Variants in LAMA1 observed in about 807,000 individuals in gnomAD.
LAMA1 encodes laminin subunit alpha-1.
A neutral mutation model predicts 348.7 loss-of-function variants in LAMA1; 219 were observed. That is an observed-to-expected ratio of 0.63 (90% CI 0.56 to 0.70). LAMA1 has a LOEUF of 0.70. Among genes scored for constraint, LAMA1 ranks in the 30% least tolerant of loss-of-function variants. The probability of loss-of-function intolerance (pLI) is 0.00; values close to 1 mark genes in which losing one functional copy is unlikely to be tolerated. For synonymous variants in LAMA1, 1,487 were observed against 1,491.0 expected (o/e 1.00, Z 0.06); for missense variants, 3,744 against 3,888.0 (o/e 0.96, Z 0.99).
At chr18:7,052,649 C>T (rs981211608) in intron 3 of LAMA1, among the ~76,000 whole-genome samples, 7 of 152,064 alleles carry the variant, frequency 4.6e-5, no homozygotes, top group Admixed American at 6.6e-5. Context: ...ATCACTTGAA[C>T]CTGGGAGTCA....
chr18:7,042,036 A>T, intron 9 of LAMA1, 109 bp downstream of exon 9: 1 of 799,232 alleles, frequency 1.3e-6, no homozygotes, highest in Non-Finnish European at 2.1e-6. Context: ...TGAACAAAAG[A>T]ATCAATAATC....
rs545723656 is a variant in LAMA1, at chr18:7,096,087, C to T, written c.62-15630G>A. On this transcript the variant is annotated intron_variant, in intron 1 of 62. Coordinates refer to ENST00000389658, the MANE Select transcript of LAMA1 (RefSeq NM_005559.4). Reference sequence around the variant, plus strand: ...CGTCTCAAAAAAAAAGAAAATACTTCAGTATAGACTGTGGTATGGTATATG... The same window carrying T: ...CGTCTCAAAAAAAAAGAAAATACTTTAGTATAGACTGTGGTATGGTATATG... Among the ~76,000 whole-genome samples the T allele has an allele frequency of 6.6e-5, 10 of 152,234 alleles. No individual in the cohort carries two copies. In the South Asian group the frequency reaches 2.1e-3, roughly 32 times the overall value.
chr18:6,958,397 A>G (rs111248406), intron 55 of LAMA1, 80 bp downstream of exon 55: 3 of 1,462,808 alleles, frequency 2.1e-6, no homozygotes, highest in Non-Finnish European at 2.9e-6. Context: ...CAAACAGTAC[A>G]ATGAGATTTC....
chr18:7,028,964 T>C (rs1335877225), intron 16 of LAMA1, among the ~76,000 whole-genome samples: 2 of 152,360 alleles, frequency 1.3e-5, no homozygotes, highest in South Asian at 2.1e-4. Flanking sequence ...CATACTTTCA[T>C]TGGTCATTTT....
intron 42 of LAMA1, 46 bp from the exon 43 acceptor site, chr18:6,978,424 C>CAG (rs767488995): frequency 1.3e-6 from 2 of 1,508,328 alleles, no homozygotes; most frequent in African/African-American, 2.7e-5. Flanking sequence ...TGCTTACACA[C>CAG]AGAGAAAAGA....
At chr18:6,977,667 T>A in intron 44 of LAMA1, 60 bp downstream of exon 44, 1 of 1,603,738 alleles carries the variant, frequency 6.2e-7, no homozygotes, top group South Asian at 1.1e-5. Context: ...CTGCATGAAT[T>A]CCCTGGGACC....
chr18:7,037,045 T>C (rs1487719688), intron 12 of LAMA1, among the ~76,000 whole-genome samples: 1 of 152,182 alleles, frequency 6.6e-6, no homozygotes, highest in Non-Finnish European at 1.5e-5. Flanking sequence ...GAATCACCAG[T>C]TTGCATTTTC....
intron 1 of LAMA1, among the ~76,000 whole-genome samples, chr18:7,112,638 T>C (rs1013328180): frequency 2.0e-5 from 2 of 102,326 alleles, no homozygotes; most frequent in Non-Finnish European, 3.8e-5. Context: ...TATATATATA[T>C]ACATTTTTTT....
intron 1 of LAMA1, among the ~76,000 whole-genome samples, chr18:7,107,016 T>G (rs1442721982): frequency 6.6e-6 from 1 of 151,978 alleles, no homozygotes; most frequent in Non-Finnish European, 1.5e-5. Context: ...ACTACTCATT[T>G]CACCCCTAAC....
intron 48 of LAMA1, 115 bp from the exon 49 acceptor site, chr18:6,966,412 T>A (rs948248306): frequency 2.3e-6 from 2 of 873,958 alleles, no homozygotes; most frequent in Non-Finnish European, 3.7e-6. Flanking sequence ...AGTTCCATAC[T>A]TTCATAACAA....
chr18:7,084,419 C>T (rs968325536), intron 1 of LAMA1, among the ~76,000 whole-genome samples: 1 of 152,102 alleles, frequency 6.6e-6, no homozygotes, highest in Non-Finnish European at 1.5e-5. Flanking sequence ...AGCTATGTGG[C>T]GTGACACAGT....
At chr18:6,999,388 TC>T (rs1407999384) in intron 32 of LAMA1, 56 bp downstream of exon 32, 1 of 1,578,146 alleles carries the variant, frequency 6.3e-7, no homozygotes, top group African/African-American at 1.3e-5. Context: ...ACCACTTCTT[TC>T]CCGACACATT....
intron 54 of LAMA1, among the ~76,000 whole-genome samples, 189 bp downstream of exon 54, chr18:6,959,152 C>G (rs1008825406): frequency 1.3e-5 from 2 of 152,162 alleles, no homozygotes; most frequent in Admixed American, 1.3e-4. Context: ...TATAAAAATT[C>G]TACAAGTATC....
At chr18:6,960,946 T>C (rs959967486) in intron 53 of LAMA1, among the ~76,000 whole-genome samples, 1 of 152,190 alleles carries the variant, frequency 6.6e-6, no homozygotes, top group Non-Finnish European at 1.5e-5. Flanking sequence ...GAGTACAAGG[T>C]GGCATTCTAT....
At chr18:7,087,526 C>T (rs1160357319) in intron 1 of LAMA1, among the ~76,000 whole-genome samples, 1 of 152,226 alleles carries the variant, frequency 6.6e-6, no homozygotes, top group East Asian at 1.9e-4. Flanking sequence ...AGTAAACCTA[C>T]ATCATGCGGA....
At chr18:6,956,614 T>C (rs574813123) in intron 56 of LAMA1, 22 bp downstream of exon 56, 6 of 1,613,744 alleles carry the variant, frequency 3.7e-6, no homozygotes, top group African/African-American at 1.3e-5. Flanking sequence ...ACCTGACTGA[T>C]AGTAAAGGAA....
Position 7,032,145 on chromosome 18 carries a change from C to T in LAMA1, c.2195G>A (p.Gly732Glu). 2 of 1,614,122 alleles carry T rather than the reference C, an allele frequency of 1.2e-6. No individual in the cohort carries two copies. The highest frequency in any genetic ancestry group is 1.7e-6 in the Non-Finnish European group (2 of 1,180,002). The change falls in exon 16 of 63, where the codon GGA (glycine) becomes GAA (glutamate). Residue 732 changes from glycine to glutamate, a missense_variant. Physicochemically the swap from Gly to Glu is moderately conservative, Grantham distance 98. Around this residue, in one of 3 missense-constraint regions of LAMA1, gnomAD observed 1,529 missense variants for 1,689.4 expected, o/e 0.91. Coordinates refer to ENST00000389658, the MANE Select transcript of LAMA1 (RefSeq NM_005559.4). Reference sequence around the variant, plus strand: ...TTGACAAATTCCTCCAAAGAGTATTCCATCCACGCGGTAATAGCCAGAGAG... The same window carrying T: ...TTGACAAATTCCTCCAAAGAGTATTTCATCCACGCGGTAATAGCCAGAGAG... The part of the protein sequence containing the change: ...SCLSGYYRVD[G>E]ILFGGICQPC...
At chr18:6,946,502 G>A (rs2057522191) in intron 61 of LAMA1, among the ~76,000 whole-genome samples, 1 of 151,990 alleles carries the variant, frequency 6.6e-6, no homozygotes, top group Non-Finnish European at 1.5e-5. Flanking sequence ...GGCGGATCAC[G>A]AGGTCAGGAG....
intron 48 of LAMA1, among the ~76,000 whole-genome samples, chr18:6,967,706 C>A (rs951909244): frequency 3.3e-5 from 5 of 152,144 alleles, no homozygotes; most frequent in Non-Finnish European, 5.9e-5. Flanking sequence ...TGTTCAAGGA[C>A]ACACCCCAAG....
Sources: allele counts gnomAD v4.1 joint callset (sites outside exome capture counted in the v4.1 genomes callset), GRCh38; gene constraint gnomAD v4.1.1; regional missense constraint gnomAD v4.1.1; transcripts MANE v1.5; gene names NCBI Gene and HGNC (gene_info 2026-07-23, HGNC 2026-07-21).